The following UBR3 variants were observed in gnomAD, a reference collection of about 807,000 sequenced individuals.
The protein encoded by UBR3 is E3 ubiquitin-protein ligase UBR3.
Under a neutral mutation model 243.2 loss-of-function variants are expected in UBR3, and 85 were observed. The ratio of observed to expected loss-of-function variants is 0.35; its 90% CI spans 0.29 to 0.42. The LOEUF is 0.42. UBR3 is among the 10% of genes least tolerant of loss of function. The probability of loss-of-function intolerance (pLI) is 1.00; values close to 1 mark genes in which losing one functional copy is unlikely to be tolerated. For missense variants in UBR3, 1,686 were observed against 2,300.8 expected, an observed-to-expected ratio of 0.73 and a Z score of 5.47; for synonymous variants, 748 against 799.8, an observed-to-expected ratio of 0.94 and a Z score of 1.09.
intron 30 of UBR3, among the ~76,000 whole-genome samples, chr2:170,017,664 T>C (rs1473457098): frequency 6.6e-6 from 1 of 151,686 alleles, no homozygotes; most frequent in Non-Finnish European, 1.5e-5. Context: ...AGAAATAAAA[T>C]TGAAATGGAA....
intron 1 of UBR3, among the ~76,000 whole-genome samples, chr2:169,836,367 G>A (rs2082114174): frequency 1.3e-5 from 2 of 151,608 alleles, no homozygotes; most frequent in Admixed American, 6.6e-5. Context: ...TTACAGGCAT[G>A]GGCTACCACG....
intron 30 of UBR3, among the ~76,000 whole-genome samples, chr2:170,020,851 A>G (rs1251646188): frequency 6.6e-6 from 1 of 152,198 alleles, no homozygotes; most frequent in Non-Finnish European, 1.5e-5. Flanking sequence ...TAAAAAATAG[A>G]GGCTGTCAGT....
At chr2:169,919,925 A>G (rs979645738) in intron 11 of UBR3, among the ~76,000 whole-genome samples, 2 of 152,178 alleles carry the variant, frequency 1.3e-5, no homozygotes, top group African/African-American at 2.4e-5. Flanking sequence ...ATCTAGAACT[A>G]GAAATACCAT....
At chr2:169,962,730 GAA>G (rs2087635272) in intron 24 of UBR3, among the ~76,000 whole-genome samples, 1 of 146,722 alleles carries the variant, frequency 6.8e-6, no homozygotes, top group African/African-American at 2.4e-5. Context: ...AAATCTTTCT[GAA>G]AGAGTTTAGG....
chr2:169,831,343 T>C (rs1573993997), intron 1 of UBR3, among the ~76,000 whole-genome samples: 2 of 149,716 alleles, frequency 1.3e-5, no homozygotes, highest in South Asian at 2.1e-4. Flanking sequence ...AAAGACAGGG[T>C]TTCTCCATGT....
intron 26 of UBR3, among the ~76,000 whole-genome samples, chr2:169,999,422 C>T (rs1223544457): frequency 2.6e-5 from 4 of 152,188 alleles, no homozygotes; most frequent in African/African-American, 2.4e-5. Context: ...TTTAGATACT[C>T]GTGAAGAGTC....
chr2:169,967,398 T>C (rs1055810321), intron 24 of UBR3, among the ~76,000 whole-genome samples: 2 of 152,002 alleles, frequency 1.3e-5, no homozygotes, highest in Non-Finnish European at 2.9e-5. Context: ...ATTCTGAGTG[T>C]TGGGAAAAGT....
intron 33 of UBR3, among the ~76,000 whole-genome samples, chr2:170,056,679 G>C (rs936200195): frequency 6.6e-6 from 1 of 152,210 alleles, no homozygotes; most frequent in South Asian, 2.1e-4. Context: ...ATATCTACTT[G>C]TATCAAAGGA....
chr2:170,010,682 CAG>C (rs921712935), intron 29 of UBR3, among the ~76,000 whole-genome samples: 1 of 152,028 alleles, frequency 6.6e-6, no homozygotes, highest in Admixed American at 6.6e-5. Flanking sequence ...AACGGAGAAA[CAG>C]AGAAAATATA....
intron 1 of UBR3, among the ~76,000 whole-genome samples, chr2:169,841,671 A>G (rs1159329270): frequency 6.6e-6 from 1 of 152,158 alleles, no homozygotes; most frequent in Non-Finnish European, 1.5e-5. Flanking sequence ...GGGACTTAGC[A>G]CCCGGGCCAG....
intron 8 of UBR3, among the ~76,000 whole-genome samples, chr2:169,899,028 G>A (rs538451632): frequency 1.2e-4 from 18 of 146,922 alleles, no homozygotes; most frequent in Non-Finnish European, 2.2e-4. Flanking sequence ...GCCTAGGCTG[G>A]AATGCAATGG....
chr2:169,908,594 A>C (rs2085111652), intron 10 of UBR3, among the ~76,000 whole-genome samples: 1 of 152,184 alleles, frequency 6.6e-6, no homozygotes, highest in South Asian at 2.1e-4. Flanking sequence ...TAAGTAAGTA[A>C]ACACATCGAT....
chr2:169,912,558 T>A (rs1464194534), intron 10 of UBR3, among the ~76,000 whole-genome samples: 1 of 152,230 alleles, frequency 6.6e-6, no homozygotes, highest in African/African-American at 2.4e-5. Context: ...TTTGTCTGGC[T>A]AATATTTCAT....
At chr2:170,004,416 G>A (rs1020320111) in intron 27 of UBR3, among the ~76,000 whole-genome samples, 8 of 152,084 alleles carry the variant, frequency 5.3e-5, no homozygotes, top group African/African-American at 1.9e-4. Context: ...AGAGAGATGA[G>A]TAAAGGTGAT....
At chr2:170,054,501 C>G (rs975097007) in intron 32 of UBR3, among the ~76,000 whole-genome samples, 1 of 152,120 alleles carries the variant, frequency 6.6e-6, no homozygotes, top group African/African-American at 2.4e-5. Context: ...CCAGGCTGGT[C>G]TCAAACTCCT....
chr2:170,058,490 C>A (rs1330321888), intron 33 of UBR3, among the ~76,000 whole-genome samples: 1 of 147,864 alleles, frequency 6.8e-6, no homozygotes, highest in Non-Finnish European at 1.5e-5. Context: ...TCCTTCCTTC[C>A]TTTTCCTTTC....
chr2:170,016,182 A>G (rs1181519530), intron 30 of UBR3, among the ~76,000 whole-genome samples: 3 of 151,882 alleles, frequency 2.0e-5, no homozygotes, highest in Non-Finnish European at 4.4e-5. Context: ...AACAAAATAT[A>G]TGTTATTTCA....
At chr2:170,080,068 C>A in intron 37 of UBR3, 45 bp downstream of exon 37, 1 of 1,542,786 alleles carries the variant, frequency 6.5e-7, no homozygotes, top group South Asian at 1.2e-5. Context: ...ACACAGATCT[C>A]ATATCACAAA....
intron 24 of UBR3, among the ~76,000 whole-genome samples, chr2:169,975,868 GGATCTGCAA>G (rs1238340526): frequency 8.2e-6 from 1 of 121,262 alleles, no homozygotes; most frequent in Non-Finnish European, 1.7e-5. Flanking sequence ...GCATATATCT[GGATCTGCAA>G]TTAAAAACAT....
Sources: gnomAD v4.1 joint callset for allele counts (sites outside exome capture counted in the v4.1 genomes callset) on GRCh38, gnomAD v4.1.1 for gene constraint, MANE v1.5 for transcripts, NCBI Gene and HGNC (gene_info 2026-07-23, HGNC 2026-07-21) for gene names.